The following PTPRB variants were observed in gnomAD, a reference collection of about 807,000 sequenced individuals.
The protein encoded by PTPRB is receptor-type tyrosine-protein phosphatase beta.
In PTPRB, 97 loss-of-function variants were observed where a neutral mutation model predicts 238.1. The ratio of observed to expected loss-of-function variants is 0.41; its 90% CI spans 0.35 to 0.48. The LOEUF (loss-of-function observed/expected upper bound fraction) is 0.48, where lower values mean the gene tolerates loss of function less well. Among genes scored for constraint, PTPRB ranks in the 20% least tolerant of loss-of-function variants. PTPRB has a pLI of 0.30. For missense variants in PTPRB, 2,292 were observed against 2,681.9 expected (o/e 0.85, Z 3.21); for synonymous variants, 970 against 995.4 (o/e 0.97, Z 0.48).
At chr12:70,566,382 C>T in intron 15 of PTPRB, 53 bp downstream of exon 15, 1 of 1,581,556 alleles carries the variant, frequency 6.3e-7, no homozygotes, top group Non-Finnish European at 8.6e-7. Context: ...GGTTCTTACA[C>T]AATAGCAGAC....
rs755249143 is a variant in PTPRB at position 70,596,248 on chromosome 12, A to G, written c.1059T>C (p.Ser353=). The part of the protein sequence containing the change: ...STSLHVWWTP[S]SGKVTSYEVQ... The stretch of plus-strand genomic sequence containing the variant: ...CCTCATATGAGGTGACTTTTCCGGA[A>G]GAAGGAGTCCACCAAACATGCAAGC... Residue 353 remains serine (S), a synonymous_variant, in exon 5 of 34, where the codon TCT becomes TCC. Coordinates refer to ENST00000334414, the MANE Select transcript of PTPRB (RefSeq NM_001109754.4). The G allele has an allele frequency of 3.7e-6, 6 of 1,613,498 alleles. No individual in the cohort carries two copies. The highest frequency in any genetic ancestry group is 5.1e-6 in the Non-Finnish European group (6 of 1,179,756).
In PTPRB at chr12:70,548,300, C is replaced by T. The variant is rs181477626; in HGVS notation, c.5388-3637G>A. 2.1e-3 allele frequency among the ~76,000 whole-genome samples: 312 copies of T among 150,770 alleles called. 3 individuals are homozygous for T. The highest frequency in any genetic ancestry group is 7.1e-3 in the African/African-American group (289 of 40,942). ...CTGAGATCACACCACTGCACTCCAGCCTGGGCAACACAGCAAGACTCTCTC... is the reference window on the plus strand; with the variant it reads ...CTGAGATCACACCACTGCACTCCAGTCTGGGCAACACAGCAAGACTCTCTC... On this transcript the variant is annotated intron_variant, in intron 21 of 33. Coordinates refer to ENST00000334414, the MANE Select transcript of PTPRB (RefSeq NM_001109754.4).
In PTPRB at chr12:70,568,429, C is replaced by G. The variant is rs1471379817; in HGVS notation, c.3634+1246G>C. ...TCTCCTGCCTCAGCCTCCCGAGTAGCTGGGACTACAGGCGTCTGCCATCAC... is the reference window on the plus strand; with the variant it reads ...TCTCCTGCCTCAGCCTCCCGAGTAGGTGGGACTACAGGCGTCTGCCATCAC... On this transcript the variant is annotated intron_variant, in intron 14 of 33. Coordinates refer to ENST00000334414, the MANE Select transcript of PTPRB (RefSeq NM_001109754.4). 2.0e-5 allele frequency among the ~76,000 whole-genome samples: 3 copies of G among 150,654 alleles called. No homozygotes were observed. In the East Asian group the frequency reaches 5.8e-4, roughly 29 times the overall value.
intron 9 of PTPRB, among the ~76,000 whole-genome samples, chr12:70,582,955 G>A (rs745647870): frequency 6.6e-6 from 1 of 152,102 alleles, no homozygotes; most frequent in Non-Finnish European, 1.5e-5. Flanking sequence ...AAACCCATTA[G>A]ACATTAGAAA....
chr12:70,573,951 CATG>C (rs1246035269), intron 11 of PTPRB, among the ~76,000 whole-genome samples: 2 of 152,060 alleles, frequency 1.3e-5, no homozygotes, highest in African/African-American at 4.8e-5. Flanking sequence ...GTATTTAGAG[CATG>C]ATATTAAGGA....
intron 3 of PTPRB, among the ~76,000 whole-genome samples, chr12:70,617,625 C>G (rs1032751307): frequency 6.6e-6 from 1 of 152,158 alleles, no homozygotes; most frequent in Non-Finnish European, 1.5e-5. Flanking sequence ...TTAAGTGACC[C>G]CAATATAGGA....
intron 8 of PTPRB, among the ~76,000 whole-genome samples, chr12:70,587,871 C>T (rs1482643251): frequency 6.6e-6 from 1 of 151,754 alleles, no homozygotes; most frequent in Non-Finnish European, 1.5e-5. Context: ...GAGGCCGAGG[C>T]GGGTGGATCA....
At chr12:70,610,794 A>G (rs1884402700) in intron 3 of PTPRB, among the ~76,000 whole-genome samples, 1 of 152,178 alleles carries the variant, frequency 6.6e-6, no homozygotes, top group African/African-American at 2.4e-5. Context: ...CAGTAGTTAA[A>G]GCCATTTCAT....
Position 70,626,278 on chromosome 12 carries a change from G to T in PTPRB, c.452-3632C>A, listed in dbSNP as rs557779675. Among the ~76,000 whole-genome samples, 5 of 150,620 alleles carry T rather than the reference G, an allele frequency of 3.3e-5. 1 individual carries two copies. In the South Asian group the frequency reaches 1.1e-3, roughly 32 times the overall value. ...ATGAAACAGGAGATACTTTAGAAAA[G>T]GATGATGTCTATCCATCCATCTATC... is the stretch of plus-strand genomic sequence containing the variant. On this transcript the variant is annotated intron_variant, in intron 2 of 33. Coordinates refer to ENST00000334414, the MANE Select transcript of PTPRB (RefSeq NM_001109754.4).
rs1871505678 is a variant in PTPRB, at chr12:70,520,091, C to CAAGTT, written c.*1393_*1397dup. On this transcript the variant is annotated 3_prime_UTR_variant, in exon 34 of 34. Coordinates refer to ENST00000334414, the MANE Select transcript of PTPRB (RefSeq NM_001109754.4). ...ATCAACAAACTTGACCTCTAATTCC[C>CAAGTT]AAGTTTATTACAGAAAAATTTGTAG... 2.7e-6 allele frequency: 1 copy of CAAGTT among 367,352 alleles called. No individual in the cohort carries two copies. Among genetic ancestry groups the CAAGTT allele is most frequent in the Non-Finnish European group, 5.4e-6 (1 of 185,704 alleles). The allele number at this position is 367,352 out of a possible 1,614,324, so 22.8% of individuals were successfully genotyped here.
chr12:70,632,742 C>A (rs887833270), intron 2 of PTPRB, among the ~76,000 whole-genome samples: 41 of 152,256 alleles, frequency 2.7e-4, no homozygotes, highest in African/African-American at 9.1e-4. Context: ...TGATTTGCAA[C>A]CTTGGCTGCA....
At position 70,569,728 on chromosome 12, in the gene PTPRB, A is replaced by G. The variant is rs1189218627; in HGVS notation, c.3581T>C (p.Ile1194Thr). Reference sequence around the variant, plus strand: ...CTTCAGGGACCCGCTGACTGAGGCAATCATGATCTGGTACTGCTCCCCGGC... The same window carrying G: ...CTTCAGGGACCCGCTGACTGAGGCAGTCATGATCTGGTACTGCTCCCCGGC... ...LEAGEQYQIM[I>T]ASVSGSLKNQ... The change falls in exon 14 of 34, where the codon ATT (isoleucine) becomes ACT (threonine). Residue 1194 changes from isoleucine (I) to threonine (T), a missense_variant. Ile to Thr is a moderately conservative substitution (Grantham distance 89). This residue lies in a region of PTPRB where 683 missense variants were observed against 862.0 expected (regional missense o/e 0.79). Coordinates refer to ENST00000334414, the MANE Select transcript of PTPRB (RefSeq NM_001109754.4). 1.2e-6 allele frequency: 2 copies of G among 1,613,880 alleles called. No individual in the cohort carries two copies. The highest frequency in any genetic ancestry group is 1.7e-6 in the Non-Finnish European group (2 of 1,179,854).
At chr12:70,550,300 C>G (rs145142978) in intron 21 of PTPRB, among the ~76,000 whole-genome samples, 5 of 152,148 alleles carry the variant, frequency 3.3e-5, no homozygotes, top group African/African-American at 1.2e-4. Flanking sequence ...TATAAAAGAA[C>G]CATGTCACAT....
chr12:70,518,143 A>G lies in PTPRB; in HGVS notation c.*3346T>C, dbSNP rs1040242258. 2 of 152,190 alleles carry G rather than the reference A, an allele frequency of 1.3e-5. No homozygotes were observed. The highest frequency in any genetic ancestry group is 2.9e-5 in the Non-Finnish European group (2 of 68,042). The allele number at this position is 152,190 out of a possible 1,614,324, so 9.4% of individuals were successfully genotyped here. On this transcript the variant is annotated 3_prime_UTR_variant, in exon 34 of 34. Transcript: ENST00000334414. ...TGCTGTGTGCCTTTTAGTATTTAAA[A>G]GTGAATTGGCCAGGTGCGGTGGCTC... is the stretch of plus-strand genomic sequence containing the variant.
chr12:70,523,024 G>A lies in PTPRB; in HGVS notation c.6625+1447C>T, dbSNP rs573925902. On this transcript the variant is annotated intron_variant, in intron 33 of 33. Coordinates refer to ENST00000334414, the MANE Select transcript of PTPRB (RefSeq NM_001109754.4). ...ACTACAGGCACACGTCACCATGCCC[G>A]GCTAATTTTTGTATTTTTAGTAGAG... Among the ~76,000 whole-genome samples the A allele has an allele frequency of 2.0e-3, 303 of 148,220 alleles. 2 individuals carry two copies. Among genetic ancestry groups the A allele is most frequent in the Non-Finnish European group, 1.9e-3 (127 of 67,188 alleles).
At chr12:70,605,391 ACCATTCATCCATCTTT>A (rs1321124967) in intron 4 of PTPRB, among the ~76,000 whole-genome samples, 3 of 152,316 alleles carry the variant, frequency 2.0e-5, no homozygotes, top group South Asian at 2.1e-4. Flanking sequence ...GCCCAGATCC[ACCATTCATCCATCTTT>A]CCATTCATCC....
rs561392726 is a variant in PTPRB at position 70,534,634 on chromosome 12, T to C, written c.6222A>G (p.Ala2074=). Residue 2074 remains alanine (A), a synonymous_variant, in exon 31 of 34, where the codon GCA becomes GCG. Coordinates refer to ENST00000334414, the MANE Select transcript of PTPRB (RefSeq NM_001109754.4). ...AGTGAAAGTGGCGGATGAGTCTGTG[T>C]GCATCAAGCTGTTCCTCCTGTAAGA... ...FKICGEEQLD[A]HRLIRHFHYT... is the part of the protein sequence containing the mutation. 2.0e-5 allele frequency: 33 copies of C among 1,612,350 alleles called. No homozygotes were observed. The East Asian group carries it at 6.9e-4, about 34-fold the overall frequency.
rs376915883 is a variant in PTPRB, at chr12:70,539,815, T to G, written c.5696+12A>C. The G allele has an allele frequency of 1.9e-5, 31 of 1,597,864 alleles. No individual in the cohort carries two copies. The highest frequency in any genetic ancestry group is 5.0e-5 in the Admixed American group (3 of 59,974). The stretch of plus-strand genomic sequence containing the variant: ...GCAGATAATATAGTAATTAATGTGT[T>G]CTCTCTCTTACCAAGAAGTTTTCCG... On this transcript the variant is annotated intron_variant, in intron 25 of 33. Transcript: ENST00000334414.
At chr12:70,622,716 T>G in intron 2 of PTPRB, 70 bp from the exon 3 acceptor site, 1 of 1,463,630 alleles carries the variant, frequency 6.8e-7, no homozygotes, top group East Asian at 2.5e-5. Context: ...AAAATCAATT[T>G]TACTTAGCAA....
Sources: gnomAD v4.1 joint callset for allele counts (sites outside exome capture counted in the v4.1 genomes callset) on GRCh38, gnomAD v4.1.1 for gene constraint, gnomAD v4.1.1 regional missense constraint, MANE v1.5 for transcripts, NCBI Gene and HGNC (gene_info 2026-07-23, HGNC 2026-07-21) for gene names.